LYPD1: variants seen among roughly 807,000 people sequenced by gnomAD.
LYPD1 encodes the protein LY6/PLAUR domain containing 1, also known as ly6/PLAUR domain-containing protein 1.
Under a neutral mutation model 14.2 loss-of-function variants are expected in LYPD1, and 14 were observed. The ratio of observed to expected loss-of-function variants is 0.99; its 90% CI spans 0.65 to 1.54. The LOEUF is 1.54. Ranked by LOEUF, LYPD1 falls within the 40% of genes most tolerant of loss-of-function variation. LYPD1 has a pLI of 0.00. For missense variants in LYPD1, 165 were observed against 175.7 expected (o/e 0.94, Z 0.34); for synonymous variants, 85 against 70.6 (o/e 1.20, Z -1.02).
chr2:132,654,951 T>A (rs536305183), intron 2 of LYPD1, among the ~76,000 whole-genome samples: 2 of 152,118 alleles, frequency 1.3e-5, no homozygotes, highest in East Asian at 3.9e-4. Context: ...GGTTTCACCA[T>A]GTTAGCCACG....
rs559802992 is a variant in LYPD1 at position 132,645,391 on chromosome 2, G to T, written c.*654C>A. ...GCGCGTACATGCGCACTCCACCACCGACAGCGCCCGCTTTGTGCAGCGCCC... is the reference window on the plus strand; with the variant it reads ...GCGCGTACATGCGCACTCCACCACCTACAGCGCCCGCTTTGTGCAGCGCCC... On this transcript the variant is annotated 3_prime_UTR_variant, in exon 3 of 3. Transcript: ENST00000397463. 16 of 1,613,658 alleles carry T rather than the reference G, an allele frequency of 9.9e-6. No individual in the cohort carries two copies. Among genetic ancestry groups the T allele is most frequent in the African/African-American group, 9.3e-5 (7 of 75,026 alleles).
Position 132,665,427 on chromosome 2 carries a change from C to T in LYPD1, c.190+2973G>A, listed in dbSNP as rs189991987. Among the ~76,000 whole-genome samples the T allele has an allele frequency of 2.0e-3, 307 of 152,298 alleles. 1 individual carries two copies. Among genetic ancestry groups the T allele is most frequent in the African/African-American group, 7.0e-3 (289 of 41,570 alleles). On this transcript the variant is annotated intron_variant, in intron 2 of 2. Coordinates refer to ENST00000397463, the MANE Select transcript of LYPD1 (RefSeq NM_144586.7). ...ACTTAAAAATCTCACTGGTTGCTTC[C>T]CAGATTCTTTTGACATCCACTTCAT...
At position 132,645,184 on chromosome 2, in the gene LYPD1, T is replaced by G. The variant is rs375942168; in HGVS notation, c.*861A>C. ...GGCTGCGGCCAAACCCAAGCACGAC[T>G]GGACGAGGTCCTACTTCCGGGCGTA... On this transcript the variant is annotated 3_prime_UTR_variant, in exon 3 of 3. Coordinates refer to ENST00000397463, the MANE Select transcript of LYPD1 (RefSeq NM_144586.7). 1 of 1,614,066 alleles carries G rather than the reference T, an allele frequency of 6.2e-7. No homozygotes were observed. The highest frequency in any genetic ancestry group is 1.3e-5 in the African/African-American group (1 of 74,912).
chr2:132,647,506 T>C (rs888408701), intron 2 of LYPD1, among the ~76,000 whole-genome samples: 1 of 152,214 alleles, frequency 6.6e-6, no homozygotes, highest in Non-Finnish European at 1.5e-5. Flanking sequence ...CTAACTTTTG[T>C]AGTTTTAGTA....
In LYPD1 at chr2:132,645,813, C is replaced by CT. The variant is rs1351856764; in HGVS notation, c.*231dup. 3 of 715,578 alleles carry CT rather than the reference C, an allele frequency of 4.2e-6. No individual in the cohort carries two copies. The highest frequency in any genetic ancestry group is 6.7e-6 in the Non-Finnish European group (3 of 446,098). 44.3% of individuals were successfully genotyped at this position (715,578 alleles called of 1,614,324 possible). A position where few individuals can be genotyped will look rare whatever the true frequency, so the allele number is the denominator to read the frequency against. On this transcript the variant is annotated 3_prime_UTR_variant, in exon 3 of 3. Transcript: ENST00000397463. ...CCGGTTACACAGACATGGGGGTGAACTTTCACTCCACCTCCTTCCTTCAAG... is the reference window on the plus strand; with the variant it reads ...CCGGTTACACAGACATGGGGGTGAACTTTTCACTCCACCTCCTTCCTTCAAG...
intron 2 of LYPD1, among the ~76,000 whole-genome samples, chr2:132,648,764 A>G (rs926985947): frequency 7.9e-5 from 12 of 152,168 alleles, no homozygotes; most frequent in Non-Finnish European, 1.5e-4. Flanking sequence ...AGGGCACCAC[A>G]ATGAGGCTTT....
chr2:132,669,981 G>T lies in LYPD1; in HGVS notation c.-49C>A. On this transcript the variant is annotated 5_prime_UTR_variant, in exon 1 of 3. Transcript: ENST00000397463. The surrounding 1 kb of genome is among the most constrained non-coding windows in gnomAD (Gnocchi z 4.3). Reference sequence around the variant, plus strand: ...AGAGGGCAAGCGCATCAGAGGAGGCGACAGCAGCGGAGGCTGCCCCGGCTG... The same window carrying T: ...AGAGGGCAAGCGCATCAGAGGAGGCTACAGCAGCGGAGGCTGCCCCGGCTG... 2 of 1,601,058 alleles carry T rather than the reference G, an allele frequency of 1.2e-6. No individual in the cohort carries two copies. The highest frequency in any genetic ancestry group is 2.2e-5 in the South Asian group (2 of 90,230).
intron 2 of LYPD1, among the ~76,000 whole-genome samples, chr2:132,661,704 A>G (rs576690395): frequency 1.0e-3 from 154 of 152,304 alleles, no homozygotes; most frequent in African/African-American, 3.7e-3. Context: ...AGAAGCAGAA[A>G]GCAGATTAGT....
At chr2:132,663,268 G>A (rs1683072109) in intron 2 of LYPD1, among the ~76,000 whole-genome samples, 2 of 152,056 alleles carry the variant, frequency 1.3e-5, no homozygotes, top group Non-Finnish European at 2.9e-5. Flanking sequence ...TGTTTTAAAG[G>A]TTTTTTTGTT....
chr2:132,646,853 TCA>T (rs1002817877), intron 2 of LYPD1, among the ~76,000 whole-genome samples: 37 of 152,180 alleles, frequency 2.4e-4, no homozygotes, highest in Non-Finnish European at 3.5e-4. Context: ...CGTGTGTCCC[TCA>T]CAGTCTTATT....
chr2:132,645,598 G>A lies in LYPD1; in HGVS notation c.*447C>T, dbSNP rs1423014254. On this transcript the variant is annotated 3_prime_UTR_variant, in exon 3 of 3. Transcript: ENST00000397463. ...TGCAGAGAATGGTTTTCAGGAGCAT[G>A]AAGTTTGAATGTCAAGCGAGGGAGC... 6.2e-7 allele frequency: 1 copy of A among 1,610,728 alleles called. No individual in the cohort carries two copies. The highest frequency in any genetic ancestry group is 1.1e-5 in the South Asian group (1 of 90,726).
chr2:132,647,529 C>T (rs1050315139), intron 2 of LYPD1, among the ~76,000 whole-genome samples: 3 of 152,318 alleles, frequency 2.0e-5, no homozygotes, highest in South Asian at 4.1e-4. Context: ...GATGGGGTTT[C>T]ACCGTGTTAG....
In LYPD1 at chr2:132,649,612, C is replaced by T. The variant is rs554575322; in HGVS notation, c.191-3332G>A. ...AGAAAATGGCCCTGAGGTTTAGGCA[C>T]GAATGGCTGCCTGCACTGGTGCAAC... On this transcript the variant is annotated intron_variant, in intron 2 of 2. Coordinates refer to ENST00000397463, the MANE Select transcript of LYPD1 (RefSeq NM_144586.7). 4.6e-5 allele frequency among the ~76,000 whole-genome samples: 7 copies of T among 152,148 alleles called. No individual in the cohort carries two copies. In the East Asian group the frequency reaches 7.7e-4, roughly 17 times the overall value.
At chr2:132,653,999 CA>C (rs112180128) in intron 2 of LYPD1, among the ~76,000 whole-genome samples, 99,754 of 151,450 alleles carry the variant, frequency 0.66, 34,087 homozygotes, top group African/African-American at 0.85. Context: ...CAATGAAATG[CA>C]ACGTGGGATC....
intron 2 of LYPD1, among the ~76,000 whole-genome samples, chr2:132,661,728 T>C (rs1237725012): frequency 6.6e-6 from 1 of 152,054 alleles, no homozygotes; most frequent in African/African-American, 2.4e-5. Context: ...TCCCAGGGGC[T>C]GGGAAAAGGG....
intron 2 of LYPD1, among the ~76,000 whole-genome samples, chr2:132,658,223 A>G (rs1249955257): frequency 6.6e-6 from 1 of 152,224 alleles, no homozygotes; most frequent in Non-Finnish European, 1.5e-5. Flanking sequence ...TTTTGATGAC[A>G]TCACTGGGCT....
chr2:132,662,659 T>G (rs1683024195), intron 2 of LYPD1, among the ~76,000 whole-genome samples: 1 of 152,188 alleles, frequency 6.6e-6, no homozygotes, highest in African/African-American at 2.4e-5. Flanking sequence ...TTCAGAATTT[T>G]TGTTTCAGGA....
At chr2:132,654,120 T>C (rs1379726097) in intron 2 of LYPD1, among the ~76,000 whole-genome samples, 2 of 152,258 alleles carry the variant, frequency 1.3e-5, no homozygotes, top group African/African-American at 4.8e-5. Context: ...TTGATCATCG[T>C]ACTGCGGTTA....
At chr2:132,654,006 G>A (rs1361459353) in intron 2 of LYPD1, among the ~76,000 whole-genome samples, 1 of 152,156 alleles carries the variant, frequency 6.6e-6, no homozygotes, top group African/African-American at 2.4e-5. Context: ...ATGCAACGTG[G>A]GATCCTGGAT....
Sources: allele counts gnomAD v4.1 joint callset (sites outside exome capture counted in the v4.1 genomes callset), GRCh38; gene constraint gnomAD v4.1.1; non-coding constraint Gnocchi (gnomAD v3.1); transcripts MANE v1.5; gene names NCBI Gene and HGNC (gene_info 2026-07-23, HGNC 2026-07-21).